The following LARGE1 variants were observed in gnomAD, a reference collection of about 807,000 sequenced individuals.
LARGE1 encodes the protein LARGE xylosyl- and glucuronyltransferase 1, also known as xylosyl- and glucuronyltransferase LARGE1.
LARGE1 carries 43 observed loss-of-function variants against 87.6 expected under a neutral mutation model. That is an observed-to-expected ratio of 0.49 (90% CI 0.38 to 0.63). The LOEUF (loss-of-function observed/expected upper bound fraction) is 0.63, where lower values mean the gene tolerates loss of function less well. LARGE1 is among the 30% of genes least tolerant of loss of function. The pLI is 0.00. For missense variants in LARGE1, 802 were observed against 1,000.2 expected (o/e 0.80, Z 2.67); for synonymous variants, 434 against 394.6 (o/e 1.10, Z -1.18).
At chr22:33,262,108 T>C (rs1271448845) in intron 11 of LARGE1, among the ~76,000 whole-genome samples, 1 of 152,208 alleles carries the variant, frequency 6.6e-6, no homozygotes, top group African/African-American at 2.4e-5. Context: ...ACGAAAGCCT[T>C]AAAAGACGGG....
downstream of LARGE1, among the ~76,000 whole-genome samples, chr22:33,158,122 G>GA (rs1921924820): frequency 2.0e-5 from 3 of 152,130 alleles, no homozygotes; most frequent in South Asian, 6.2e-4. Flanking sequence ...ATATTACAAA[G>GA]AATGAGAGAA....
chr22:33,104,466 C>T, the LARGE1 span, among the ~76,000 whole-genome samples: 2 of 152,166 alleles, frequency 1.3e-5, no homozygotes, highest in Admixed American at 6.5e-5. Flanking sequence ...CCCAGGGCAG[C>T]AAGAAATGCT....
At chr22:33,229,002 T>C (rs1001778625) in intron 11 of LARGE1, among the ~76,000 whole-genome samples, 2 of 152,204 alleles carry the variant, frequency 1.3e-5, no homozygotes, top group African/African-American at 4.8e-5. Context: ...TCAAGGAAGT[T>C]TGTATCTAAC....
At chr22:33,089,596 C>G in the LARGE1 span, among the ~76,000 whole-genome samples, 1 of 151,772 alleles carries the variant, frequency 6.6e-6, no homozygotes, top group Non-Finnish European at 1.5e-5. Context: ...CTCCTGGGCT[C>G]AAGGGATCCT....
chr22:33,466,161 G>T (rs1475091528), intron 6 of LARGE1, among the ~76,000 whole-genome samples: 1 of 152,090 alleles, frequency 6.6e-6, no homozygotes, highest in Non-Finnish European at 1.5e-5. Flanking sequence ...CCTGTCTCAT[G>T]CCCACGCACA....
chr22:33,812,073 C>T (rs533662048), intron 1 of LARGE1, among the ~76,000 whole-genome samples: 6 of 152,312 alleles, frequency 3.9e-5, no homozygotes, highest in African/African-American at 1.2e-4. Flanking sequence ...AAAGGGACTA[C>T]TGGAAACTAA....
chr22:33,831,764 AC>A (rs1386963225), intron 1 of LARGE1, among the ~76,000 whole-genome samples: 1 of 151,450 alleles, frequency 6.6e-6, no homozygotes, highest in Non-Finnish European at 1.5e-5. Flanking sequence ...ACACACACAC[AC>A]ACACACACAC....
intron 1 of LARGE1, among the ~76,000 whole-genome samples, chr22:33,913,927 A>C (rs1433062040): frequency 6.6e-6 from 1 of 152,212 alleles, no homozygotes; most frequent in Non-Finnish European, 1.5e-5. Context: ...AATTTGAAAT[A>C]TAATAACGGA....
intron 1 of LARGE1, among the ~76,000 whole-genome samples, chr22:33,817,727 G>A (rs1456947872): frequency 6.6e-6 from 1 of 152,148 alleles, no homozygotes; most frequent in African/African-American, 2.4e-5. Context: ...TAGCATCACA[G>A]ACAGGCTCTC....
intron 2 of LARGE1, chr22:33,725,696 A>G (rs1386977204): frequency 6.6e-6 from 1 of 152,206 alleles, no homozygotes; most frequent in Non-Finnish European, 1.5e-5. Flanking sequence ...CTAGAAAGCA[A>G]GAACATCAGG....
chr22:33,109,807 T>C, the LARGE1 span, among the ~76,000 whole-genome samples: 3 of 152,252 alleles, frequency 2.0e-5, no homozygotes, highest in East Asian at 1.9e-4. Flanking sequence ...TAAAGGAGCC[T>C]GGCATCTCCT....
chr22:33,733,089 T>C (rs1373265182), intron 2 of LARGE1: 2 of 152,208 alleles, frequency 1.3e-5, no homozygotes, highest in African/African-American at 2.4e-5. Flanking sequence ...GCTTCATTCA[T>C]CTCGCAACAA....
the LARGE1 span, among the ~76,000 whole-genome samples, chr22:33,069,479 G>C: frequency 6.6e-6 from 1 of 152,108 alleles, no homozygotes; most frequent in Non-Finnish European, 1.5e-5. Context: ...TGGGCTGCCT[G>C]GGCTCAAGTC....
chr22:33,536,907 G>A (rs1170170310), intron 6 of LARGE1, among the ~76,000 whole-genome samples: 2 of 152,218 alleles, frequency 1.3e-5, no homozygotes, highest in Non-Finnish European at 2.9e-5. Context: ...TGCCTCCCGG[G>A]TTCAAGCGAT....
At chr22:33,784,440 T>C (rs1000748258) in intron 1 of LARGE1, among the ~76,000 whole-genome samples, 2 of 152,186 alleles carry the variant, frequency 1.3e-5, no homozygotes, top group African/African-American at 4.8e-5. Context: ...TTTGTCACCA[T>C]ATGGCCTGTG....
intron 11 of LARGE1, among the ~76,000 whole-genome samples, chr22:33,199,331 T>C (rs1357581797): frequency 6.6e-6 from 1 of 152,202 alleles, no homozygotes; most frequent in Non-Finnish European, 1.5e-5. Flanking sequence ...GTTGATTGTT[T>C]ATTTTGCTAT....
chr22:33,093,573 T>C, the LARGE1 span, among the ~76,000 whole-genome samples: 1 of 152,158 alleles, frequency 6.6e-6, no homozygotes, highest in Non-Finnish European at 1.5e-5. Flanking sequence ...GAGCCTGAGA[T>C]GGAGACAATA....
intron 11 of LARGE1, among the ~76,000 whole-genome samples, chr22:33,237,804 G>A (rs769727074): frequency 2.0e-5 from 3 of 152,160 alleles, no homozygotes; most frequent in African/African-American, 4.8e-5. Flanking sequence ...ATCAAGATCC[G>A]ACTCCTGAAG....
At chr22:33,081,936 T>C in the LARGE1 span, among the ~76,000 whole-genome samples, 1 of 152,236 alleles carries the variant, frequency 6.6e-6, no homozygotes, top group African/African-American at 2.4e-5. Flanking sequence ...CTAAGCAATA[T>C]GCTTTAGGCT....
Sources: gnomAD v4.1 joint callset for allele counts (sites outside exome capture counted in the v4.1 genomes callset) on GRCh38, gnomAD v4.1.1 for gene constraint, MANE v1.5 for transcripts, NCBI Gene and HGNC (gene_info 2026-07-23, HGNC 2026-07-21) for gene names.